ITFG1: variants seen among roughly 807,000 people sequenced by gnomAD.
ITFG1 encodes integrin alpha FG-GAP repeat containing 1, also known as T-cell immunomodulatory protein.
ITFG1 carries 34 observed loss-of-function variants against 81.8 expected under a neutral mutation model. That is an observed-to-expected ratio of 0.42 (90% CI 0.32 to 0.55). The LOEUF is 0.55. Ranked by LOEUF, ITFG1 falls within the 20% of genes least tolerant of loss-of-function variation. ITFG1 has a pLI of 0.17. For synonymous variants in ITFG1, 285 were observed against 270.6 expected (o/e 1.05, Z -0.52); for missense variants, 672 against 755.4 (o/e 0.89, Z 1.29).
chr16:47,442,143 AAGG>A (rs1163757404), intron 5 of ITFG1, among the ~76,000 whole-genome samples: 2 of 152,220 alleles, frequency 1.3e-5, no homozygotes, highest in Non-Finnish European at 2.9e-5. Flanking sequence ...GGACCTCTTC[AAGG>A]AGAACTACAA....
chr16:47,300,209 G>C (rs184092778), intron 10 of ITFG1, among the ~76,000 whole-genome samples: 1 of 152,180 alleles, frequency 6.6e-6, no homozygotes, highest in African/African-American at 2.4e-5. Context: ...GGTCAAATAG[G>C]CTTCCTGTTT....
chr16:47,340,165 AT>A (rs979539501), intron 8 of ITFG1, among the ~76,000 whole-genome samples: 1 of 151,724 alleles, frequency 6.6e-6, no homozygotes, highest in Non-Finnish European at 1.5e-5. Context: ...GGCGGAGGGA[AT>A]TTTTTTTTCC....
intron 10 of ITFG1, among the ~76,000 whole-genome samples, chr16:47,308,477 G>A (rs892966527): frequency 6.6e-6 from 1 of 152,206 alleles, no homozygotes; most frequent in Admixed American, 6.5e-5. Context: ...GTATAAAGCT[G>A]AGGATGCTGA....
intron 14 of ITFG1, among the ~76,000 whole-genome samples, chr16:47,194,420 G>A (rs964961992): frequency 1.3e-5 from 2 of 152,124 alleles, no homozygotes; most frequent in Non-Finnish European, 2.9e-5. Flanking sequence ...AAGGTCAAGG[G>A]TATCAGATTT....
At chr16:47,157,977 C>A (rs1191363904) in intron 17 of ITFG1, among the ~76,000 whole-genome samples, 1 of 152,080 alleles carries the variant, frequency 6.6e-6, no homozygotes, top group Non-Finnish European at 1.5e-5. Flanking sequence ...TTTTTCTTTG[C>A]ATAAAAATCT....
intron 5 of ITFG1, among the ~76,000 whole-genome samples, chr16:47,429,296 TC>T (rs1296797304): frequency 2.0e-5 from 3 of 152,216 alleles, no homozygotes; most frequent in African/African-American, 7.2e-5. Context: ...GTGCCTCAGT[TC>T]TTTCTATAGC....
chr16:47,429,393 A>G, intron 5 of ITFG1, among the ~76,000 whole-genome samples: 1 of 152,236 alleles, frequency 6.6e-6, no homozygotes, highest in Non-Finnish European at 1.5e-5. Flanking sequence ...GGCTGCTACA[A>G]ACATTCATGT....
In ITFG1 at chr16:47,396,087, A is replaced by G. The variant is rs573503503; in HGVS notation, c.656-20147T>C. On this transcript the variant is annotated intron_variant, in intron 6 of 17. Coordinates refer to ENST00000320640, the MANE Select transcript of ITFG1 (RefSeq NM_030790.5). ...CCTTTACTTTAGTCTACGTGATAGT[A>G]GCAGAAAACACTCACCTATCCCTTT... The G allele has an allele frequency of 5.3e-6, 4 of 757,668 alleles. No homozygotes were observed. The South Asian group carries it at 2.4e-4, about 45-fold the overall frequency. 46.9% of individuals were successfully genotyped at this position (757,668 alleles called of 1,614,324 possible).
At chr16:47,273,194 C>T (rs1054248569) in intron 10 of ITFG1, among the ~76,000 whole-genome samples, 2 of 151,744 alleles carry the variant, frequency 1.3e-5, no homozygotes, top group African/African-American at 4.8e-5. Flanking sequence ...CCTTAATTCC[C>T]CAATTTCATT....
At chr16:47,205,586 T>TA (rs1291944029) in intron 14 of ITFG1, among the ~76,000 whole-genome samples, 1 of 152,186 alleles carries the variant, frequency 6.6e-6, no homozygotes, top group African/African-American at 2.4e-5. Context: ...ATTATTCTAA[T>TA]AAAGTTATGA....
intron 10 of ITFG1, among the ~76,000 whole-genome samples, chr16:47,286,010 A>G (rs1187323501): frequency 6.6e-6 from 1 of 152,166 alleles, no homozygotes; most frequent in Admixed American, 6.5e-5. Flanking sequence ...ACTCCTCCAC[A>G]TGGCAGACTA....
At chr16:47,355,912 G>A (rs1241534114) in intron 8 of ITFG1, among the ~76,000 whole-genome samples, 1 of 152,190 alleles carries the variant, frequency 6.6e-6, no homozygotes, top group Admixed American at 6.5e-5. Context: ...ACAGGGAGCA[G>A]ATGGAGAAGA....
intron 10 of ITFG1, among the ~76,000 whole-genome samples, chr16:47,267,617 C>G (rs1014708164): frequency 6.6e-6 from 1 of 152,064 alleles, no homozygotes; most frequent in Admixed American, 6.5e-5. Context: ...AATCTTTTGA[C>G]GTAACATGAA....
intron 12 of ITFG1, among the ~76,000 whole-genome samples, chr16:47,240,516 A>T (rs1401989638): frequency 6.6e-6 from 1 of 152,210 alleles, no homozygotes; most frequent in Non-Finnish European, 1.5e-5. Context: ...GAAGATATAC[A>T]GATGGCCACT....
intron 5 of ITFG1, among the ~76,000 whole-genome samples, chr16:47,439,313 G>C (rs891993442): frequency 6.6e-6 from 1 of 152,182 alleles, no homozygotes; most frequent in African/African-American, 2.4e-5. Flanking sequence ...GGCCAACACT[G>C]AAATTCAGGA....
At chr16:47,244,589 TTTTGTGTGTGTGTGTGTG>T (rs1282697954) in intron 12 of ITFG1, among the ~76,000 whole-genome samples, 2 of 140,788 alleles carry the variant, frequency 1.4e-5, no homozygotes, top group African/African-American at 5.3e-5. Context: ...GTATTCCATC[TTTTGTGTGTGTGTGTGTG>T]TGTGTGTGTG....
chr16:47,439,812 CA>C (rs1969221267), intron 5 of ITFG1, among the ~76,000 whole-genome samples: 2 of 152,154 alleles, frequency 1.3e-5, no homozygotes, highest in African/African-American at 2.4e-5. Context: ...ATCATAATGA[CA>C]GGATAAAATT....
chr16:47,245,366 T>G (rs1481738960), intron 12 of ITFG1, among the ~76,000 whole-genome samples: 2 of 152,072 alleles, frequency 1.3e-5, no homozygotes, highest in Non-Finnish European at 1.5e-5. Flanking sequence ...AAAAAAATTA[T>G]GTAGATGAAA....
chr16:47,191,874 C>T (rs762640068), intron 14 of ITFG1, among the ~76,000 whole-genome samples: 14 of 152,292 alleles, frequency 9.2e-5, no homozygotes, highest in African/African-American at 2.6e-4. Context: ...TGCAGTGATG[C>T]GATCTTGGCT....
Sources: allele counts gnomAD v4.1 joint callset (sites outside exome capture counted in the v4.1 genomes callset), GRCh38; gene constraint gnomAD v4.1.1; transcripts MANE v1.5; gene names NCBI Gene and HGNC (gene_info 2026-07-23, HGNC 2026-07-21).